The following RTN4 variants were observed in gnomAD, a reference collection of about 807,000 sequenced individuals.
RTN4 encodes the protein reticulon 4.
In RTN4, 32 loss-of-function variants were observed where a neutral mutation model predicts 90.4. That is an observed-to-expected ratio of 0.35 (90% CI 0.27 to 0.48). The LOEUF (loss-of-function observed/expected upper bound fraction) is 0.48, where lower values mean the gene tolerates loss of function less well. RTN4 is among the 20% of genes least tolerant of loss of function. The pLI, the probability that RTN4 is intolerant of heterozygous loss-of-function variation, is 0.99. For missense variants in RTN4, 1,706 were observed against 1,430.2 expected (o/e 1.19, Z -3.11); for synonymous variants, 629 against 552.5 (o/e 1.14, Z -1.94).
At position 54,987,612 on chromosome 2, in the gene RTN4, A is replaced by G; in HGVS notation, c.3100T>C (p.Phe1034Leu). The change falls in exon 4 of 9, where the codon TTC becomes CTC. Residue 1034 changes from phenylalanine to leucine, a missense_variant. Transcript: ENST00000337526. ...SLFLLLSLTVFSIVSVTAYIA... is the reference protein window; with the variant it reads ...SLFLLLSLTVLSIVSVTAYIA... ...TAGGCTGTTACGCTCACAATGCTGAATACTGTCAATGAAAGCAGCAGGAAT... is the reference window on the plus strand; with the variant it reads ...TAGGCTGTTACGCTCACAATGCTGAGTACTGTCAATGAAAGCAGCAGGAAT... 1 of 1,614,194 alleles carries G rather than the reference A, an allele frequency of 6.2e-7. No individual in the cohort carries two copies. Among genetic ancestry groups the G allele is most frequent in the Non-Finnish European group, 8.5e-7 (1 of 1,180,004 alleles).
chr2:54,978,369 G>A (rs1385918885), intron 5 of RTN4, among the ~76,000 whole-genome samples: 1 of 146,994 alleles, frequency 6.8e-6, no homozygotes, highest in Admixed American at 7.0e-5. Context: ...GGCAAAGGTT[G>A]CAGTGAGCCT....
At chr2:55,091,887 T>A (rs577898646) in intron 1 of RTN4, among the ~76,000 whole-genome samples, 46 of 152,070 alleles carry the variant, frequency 3.0e-4, no homozygotes, top group African/African-American at 9.9e-4. Flanking sequence ...GATAAATCCA[T>A]CAGCTCTCGT....
the RTN4 span, among the ~76,000 whole-genome samples, chr2:55,129,391 T>G: frequency 1.3e-4 from 20 of 151,894 alleles, no homozygotes; most frequent in East Asian, 1.9e-4. Context: ...TTGGGAAACA[T>G]AGAGAGACTG....
intron 3 of RTN4, chr2:55,009,941 G>T: frequency 2.4e-6 from 2 of 825,488 alleles, no homozygotes; most frequent in Non-Finnish European, 3.7e-6. Flanking sequence ...GTAAAAACAC[G>T]TGAGATAGCC....
chr2:55,040,895 A>T (rs1683028515), intron 1 of RTN4, among the ~76,000 whole-genome samples: 1 of 152,056 alleles, frequency 6.6e-6, no homozygotes, highest in Non-Finnish European at 1.5e-5. Flanking sequence ...AAACTTTATA[A>T]ACTTTCTGTA....
At chr2:55,012,410 G>C (rs1367224653) in intron 3 of RTN4, among the ~76,000 whole-genome samples, 1 of 150,234 alleles carries the variant, frequency 6.7e-6, no homozygotes, top group African/African-American at 2.5e-5. Context: ...AAGTGTACAA[G>C]GAAAACTAGC....
At position 55,077,756 on chromosome 2, in the gene RTN4, T is replaced by TACACACACACACAC. The variant is rs200121610; in HGVS notation, c.-63+2719_-63+2732dup. 6.5e-3 allele frequency among the ~76,000 whole-genome samples: 942 copies of TACACACACACACAC among 144,444 alleles called. 9 individuals carry two copies. Among genetic ancestry groups the TACACACACACACAC allele is most frequent in the African/African-American group, 0.017 (652 of 38,832 alleles). The allele number at this position is 144,444 out of a possible 152,430, so 94.8% of individuals were successfully genotyped here. ...ACAAGTGGATAAAGAAAATGTTTTA[T>TACACACACACACAC]ACACACACACACACACACACACACA... is the stretch of plus-strand genomic sequence containing the variant. On this transcript the variant is annotated intron_variant, in intron 2 of 3. Transcript: ENST00000427710.
chr2:55,047,854 T>C (rs1329002817), intron 1 of RTN4, among the ~76,000 whole-genome samples: 2 of 152,108 alleles, frequency 1.3e-5, no homozygotes, highest in Non-Finnish European at 2.9e-5. Context: ...TGACTAATAA[T>C]AACATACAAT....
chr2:55,049,844 G>C lies in RTN4; in HGVS notation c.457C>G (p.Pro153Ala). The C allele has an allele frequency of 7.6e-7, 1 of 1,315,968 alleles. No homozygotes were observed. The highest frequency in any genetic ancestry group is 9.7e-7 in the Non-Finnish European group (1 of 1,036,084). 81.5% of individuals were successfully genotyped at this position (1,315,968 alleles called of 1,614,324 possible). A position where few individuals can be genotyped will look rare whatever the true frequency, so the allele number is the denominator to read the frequency against. ...PPPPPPASVS[P>A]QAEPVWTPPA... ...GGGGTCCACACGGGCTCTGCCTGGG[G>C]GCTCACGCTGGCCGGGGGAGGAGGG... Residue 153 changes from proline (P) to alanine (A), a missense_variant, in exon 1 of 9, where the codon CCC (proline) becomes GCC (alanine). Physicochemically the swap from Pro to Ala is conservative, Grantham distance 27. Transcript: ENST00000337526.
chr2:55,043,172 C>G (rs572290839), intron 1 of RTN4, among the ~76,000 whole-genome samples: 1 of 152,308 alleles, frequency 6.6e-6, no homozygotes, highest in South Asian at 2.1e-4. Context: ...TTCATTCAAA[C>G]ACTACTGAGA....
At chr2:54,987,763 A>T in intron 3 of RTN4, 65 bp from the exon 4 acceptor site, 6 of 1,395,104 alleles carry the variant, frequency 4.3e-6, no homozygotes, top group Non-Finnish European at 6.0e-6. Flanking sequence ...TGCTCCATCT[A>T]TGAAAACAAA....
chr2:55,107,120 A>G (rs572713036), intron 1 of RTN4, among the ~76,000 whole-genome samples: 1 of 152,196 alleles, frequency 6.6e-6, no homozygotes, highest in South Asian at 2.1e-4. Context: ...GTCTTAAGAT[A>G]TTAATGAAAC....
intron 3 of RTN4, among the ~76,000 whole-genome samples, chr2:55,019,705 A>C (rs1216205060): frequency 6.6e-6 from 1 of 152,164 alleles, no homozygotes; most frequent in Admixed American, 6.5e-5. Flanking sequence ...TAAAGACTGA[A>C]ATGGGAAGTC....
intron 3 of RTN4, among the ~76,000 whole-genome samples, chr2:55,024,379 A>C (rs1159804601): frequency 6.6e-6 from 1 of 152,196 alleles, no homozygotes; most frequent in Non-Finnish European, 1.5e-5. Context: ...CCAGCACTTA[A>C]ATACATAAGT....
In RTN4 at chr2:55,096,619, G is replaced by T. The variant is rs1056485072; in HGVS notation, c.-214+15901C>A. Among the ~76,000 whole-genome samples the T allele has an allele frequency of 5.9e-5, 9 of 152,252 alleles. No individual in the cohort carries two copies. The East Asian group carries it at 1.7e-3, about 29-fold the overall frequency. On this transcript the variant is annotated intron_variant, in intron 1 of 3. Coordinates refer to the RTN4 transcript ENST00000427710. ...TCTCTGGCTAAATAATCCCACTTAG[G>T]AATAAAACTTTTGTCTTAGTTGGAA...
chr2:55,084,132 G>A (rs570328803), intron 1 of RTN4, among the ~76,000 whole-genome samples: 1 of 152,106 alleles, frequency 6.6e-6, no homozygotes, highest in East Asian at 1.9e-4. Flanking sequence ...ATGTCTACAT[G>A]ATTAAGCCTC....
the RTN4 span, among the ~76,000 whole-genome samples, chr2:55,129,325 G>C: frequency 2.2e-3 from 330 of 152,156 alleles, 2 homozygotes; most frequent in Admixed American, 5.6e-3. Context: ...TGTAATCCCA[G>C]CATTTTGGAA....
chr2:55,025,246 C>T lies in RTN4; in HGVS notation c.2853G>A (p.Leu951=), dbSNP rs779903055. ...TGGCCAAAGCAGAAACATCTGGAGG[C>T]AATAAGAGCACCTTTGATGTAGCAG... ...NGSATSKVLL[L]PPDVSALATQ... Residue 951 remains leucine, a synonymous_variant, in exon 3 of 9, where the codon TTG becomes TTA. Transcript: ENST00000337526. 5 of 1,613,716 alleles carry T rather than the reference C, an allele frequency of 3.1e-6. No individual in the cohort carries two copies. The highest frequency in any genetic ancestry group is 3.3e-5 in the Admixed American group (2 of 59,936).
intron 1 of RTN4, among the ~76,000 whole-genome samples, chr2:55,100,697 A>G (rs974218938): frequency 6.6e-6 from 1 of 152,142 alleles, no homozygotes; most frequent in African/African-American, 2.4e-5. Context: ...TTTATCTGCA[A>G]TTTTATATAC....
Sources: gnomAD v4.1 joint callset for allele counts (sites outside exome capture counted in the v4.1 genomes callset) on GRCh38, gnomAD v4.1.1 for gene constraint, MANE v1.5 for transcripts, NCBI Gene and HGNC (gene_info 2026-07-23, HGNC 2026-07-21) for gene names.